The following NBR1 variants were observed in gnomAD, a reference collection of about 807,000 sequenced individuals.
NBR1 encodes the protein NBR1 autophagy cargo receptor, also known as next to BRCA1 gene 1 protein.
NBR1 carries 59 observed loss-of-function variants against 115.5 expected under a neutral mutation model. The observed-to-expected ratio is 0.51, with a 90% CI of 0.41 to 0.63. NBR1 has a LOEUF of 0.63. Among genes scored for constraint, NBR1 ranks in the 30% least tolerant of loss-of-function variants. NBR1 has a pLI of 0.00. For missense variants in NBR1, 1,043 were observed against 1,150.5 expected (o/e 0.91, Z 1.35); for synonymous variants, 373 against 414.7 (o/e 0.90, Z 1.22).
At chr17:43,194,233 A>T in intron 12 of NBR1, 117 bp from the exon 13 acceptor site, 1 of 964,818 alleles carries the variant, frequency 1.0e-6, no homozygotes, top group Non-Finnish European at 1.5e-6. Flanking sequence ...TATATCAAAA[A>T]CATTGTTTTT....
At chr17:43,192,904 T>C (rs1207607071) in intron 10 of NBR1, among the ~76,000 whole-genome samples, 190 bp from the exon 11 acceptor site, 1 of 152,148 alleles carries the variant, frequency 6.6e-6, no homozygotes, top group East Asian at 1.9e-4. Context: ...TTTTGTTTTA[T>C]TGTTTTAAGT....
chr17:43,188,985 A>G, intron 6 of NBR1, 57 bp from the exon 7 acceptor site: 1 of 1,183,060 alleles, frequency 8.5e-7, no homozygotes, highest in Non-Finnish European at 1.3e-6. Flanking sequence ...CACTCCAGGA[A>G]AAGTATTTTA....
intron 16 of NBR1, among the ~76,000 whole-genome samples, chr17:43,198,163 G>T (rs1280828040): frequency 6.8e-6 from 1 of 146,084 alleles, no homozygotes; most frequent in East Asian, 2.0e-4. Context: ...GTGAAACTCC[G>T]TCTCAAAAAA....
chr17:43,203,504 C>T (rs2057247998), intron 19 of NBR1, among the ~76,000 whole-genome samples, 177 bp from the exon 20 acceptor site: 1 of 152,200 alleles, frequency 6.6e-6, no homozygotes, highest in Non-Finnish European at 1.5e-5. Context: ...GAGCTGGGCC[C>T]TCCATCAAAC....
At chr17:43,185,061 C>T (rs2056767451) in intron 5 of NBR1, among the ~76,000 whole-genome samples, 2 of 150,846 alleles carry the variant, frequency 1.3e-5, no homozygotes, top group Admixed American at 1.3e-4. Flanking sequence ...TGCACTCTAG[C>T]CTGGTGACAG....
intron 1 of NBR1, 21 bp from the exon 2 acceptor site, chr17:43,175,770 C>A: frequency 8.3e-7 from 1 of 1,198,428 alleles, no homozygotes; most frequent in Non-Finnish European, 1.2e-6. Flanking sequence ...CTCTCTCTCC[C>A]ACCAACCTTC....
intron 1 of NBR1, 115 bp downstream of exon 1, chr17:43,171,417 G>C (rs1285707527): frequency 6.6e-6 from 1 of 152,382 alleles, no homozygotes; most frequent in Non-Finnish European, 1.5e-5. Flanking sequence ...CGTGTTTCGG[G>C]ACAGCTAATC....
intron 8 of NBR1, chr17:43,190,354 G>A: frequency 2.2e-6 from 1 of 462,538 alleles, no homozygotes; most frequent in East Asian, 4.5e-5. Flanking sequence ...TTACAGACAT[G>A]AGCCACTGTG....
At chr17:43,200,135 C>T in intron 16 of NBR1, 32 bp from the exon 17 acceptor site, 3 of 1,506,144 alleles carry the variant, frequency 2.0e-6, no homozygotes, top group Non-Finnish European at 2.7e-6. Flanking sequence ...CTTTTAGCTT[C>T]CACCTTAAAA....
chr17:43,174,380 G>A (rs1318185080), intron 1 of NBR1, among the ~76,000 whole-genome samples: 3 of 152,062 alleles, frequency 2.0e-5, no homozygotes, highest in East Asian at 1.9e-4. Context: ...GTGGAATCAC[G>A]AGGTCAGGAG....
intron 15 of NBR1, 44 bp downstream of exon 15, chr17:43,196,635 C>T: frequency 7.4e-7 from 1 of 1,359,718 alleles, no homozygotes; most frequent in South Asian, 1.3e-5. Flanking sequence ...CCTCCCTTTC[C>T]ATATCATACC....
chr17:43,179,259 A>G (rs1200994228), intron 3 of NBR1, 135 bp from the exon 4 acceptor site: 2 of 724,844 alleles, frequency 2.8e-6, no homozygotes, highest in East Asian at 2.7e-5. Context: ...AGTGTTATTC[A>G]TGACTAGCAA....
At chr17:43,185,684 G>A (rs1345427780) in intron 5 of NBR1, among the ~76,000 whole-genome samples, 1 of 151,972 alleles carries the variant, frequency 6.6e-6, no homozygotes, top group African/African-American at 2.4e-5. Context: ...AGAGCAAATT[G>A]CCATCTCAAA....
intron 6 of NBR1, 43 bp from the exon 7 acceptor site, chr17:43,188,999 A>G: frequency 7.6e-7 from 1 of 1,323,634 alleles, no homozygotes; most frequent in Non-Finnish European, 1.1e-6. Context: ...TATTTTAAAT[A>G]GAAAAAGTAA....
chr17:43,180,735 TA>T, intron 4 of NBR1, 59 bp from the exon 5 acceptor site: 1 of 1,373,346 alleles, frequency 7.3e-7, no homozygotes, highest in Non-Finnish European at 9.5e-7. Flanking sequence ...AATTTTAAAA[TA>T]ATAGAATCTT....
chr17:43,202,650 T>C lies in NBR1; in HGVS notation c.2564-5T>C. 1 of 1,569,268 alleles carries C rather than the reference T, an allele frequency of 6.4e-7. No homozygotes were observed. The highest frequency in any genetic ancestry group is 8.7e-7 in the Non-Finnish European group (1 of 1,155,640). ...GCATCTAACCAACAGCTCTTTTGCT[T>C]TTAGAGCCCAGAGGCTCATCAGGAC... On this transcript the variant is annotated splice_polypyrimidine_tract_variant and splice_region_variant and intron_variant, in intron 18 of 20. Coordinates refer to ENST00000590996, the MANE Select transcript of NBR1 (RefSeq NM_005899.5).
At chr17:43,187,382 G>A (rs901942390) in intron 6 of NBR1, among the ~76,000 whole-genome samples, 3 of 151,902 alleles carry the variant, frequency 2.0e-5, no homozygotes, top group South Asian at 2.1e-4. Flanking sequence ...GGGTTTCACC[G>A]TGTTAGCCAG....
At chr17:43,188,145 C>T (rs545226517) in intron 6 of NBR1, among the ~76,000 whole-genome samples, 1 of 152,230 alleles carries the variant, frequency 6.6e-6, no homozygotes, top group African/African-American at 2.4e-5. Context: ...CCGCCTCAGC[C>T]TCCCAAAGTG....
rs930235822 is a variant in NBR1 at position 43,211,192 on chromosome 17, C to G, written c.*1118C>G. 1 of 153,256 alleles carries G rather than the reference C, an allele frequency of 6.5e-6. No homozygotes were observed. The highest frequency in any genetic ancestry group is 2.4e-5 in the African/African-American group (1 of 41,462). 9.5% of individuals were successfully genotyped at this position (153,256 alleles called of 1,614,324 possible). ...CGAAGATAAGTGGAAAAGAGCTTGT[C>G]CATGAACCCAGGTTCTCACTCTGTT... is the stretch of plus-strand genomic sequence containing the variant. On this transcript the variant is annotated 3_prime_UTR_variant, in exon 21 of 21. Transcript: ENST00000590996.
Sources: allele counts gnomAD v4.1 joint callset (sites outside exome capture counted in the v4.1 genomes callset), GRCh38; gene constraint gnomAD v4.1.1; transcripts MANE v1.5; gene names NCBI Gene and HGNC (gene_info 2026-07-23, HGNC 2026-07-21).